The following RPSA2 variants were observed in gnomAD, a reference collection of about 807,000 sequenced individuals.
RPSA2 encodes ribosomal protein SA 2, also known as small ribosomal subunit protein uS2B.
the RPSA2 span, among the ~76,000 whole-genome samples, chr19:23,865,574 C>T: frequency 6.6e-6 from 1 of 152,112 alleles, no homozygotes; most frequent in African/African-American, 2.4e-5. Flanking sequence ...ATTTGTTCCT[C>T]CAACAGTGCA....
At chr19:23,837,176 G>C in the RPSA2 span, among the ~76,000 whole-genome samples, 1 of 152,018 alleles carries the variant, frequency 6.6e-6, no homozygotes, top group South Asian at 2.1e-4. Flanking sequence ...TGGGACATGA[G>C]GATCCAGTTT....
At chr19:23,830,332 A>T in the RPSA2 span, among the ~76,000 whole-genome samples, 1 of 152,100 alleles carries the variant, frequency 6.6e-6, no homozygotes, top group African/African-American at 2.4e-5. Context: ...TTTGGTAGAG[A>T]CAGGGTTTCA....
chr19:23,759,563 GC>G, the RPSA2 span, among the ~76,000 whole-genome samples: 3 of 116,088 alleles, frequency 2.6e-5, no homozygotes, highest in African/African-American at 3.3e-5. Context: ...TCGCTCTGTT[GC>G]CCAGGATGGA....
At chr19:23,838,584 T>A in the RPSA2 span, among the ~76,000 whole-genome samples, 4 of 152,178 alleles carry the variant, frequency 2.6e-5, no homozygotes, top group Non-Finnish European at 5.9e-5. Context: ...CATTTTAATC[T>A]CACTGCTTGT....
chr19:23,865,259 A>C, the RPSA2 span, among the ~76,000 whole-genome samples: 1 of 152,216 alleles, frequency 6.6e-6, no homozygotes, highest in African/African-American at 2.4e-5. Context: ...TTGAAGAAAA[A>C]CATTATGTGC....
At chr19:23,782,145 C>T in the RPSA2 span, 1 of 152,330 alleles carries the variant, frequency 6.6e-6, no homozygotes, top group Non-Finnish European at 1.5e-5. Context: ...GACCTGTCTA[C>T]AGAGGGGATT....
chr19:23,851,384 T>C, the RPSA2 span, among the ~76,000 whole-genome samples: 1 of 152,136 alleles, frequency 6.6e-6, no homozygotes, highest in Non-Finnish European at 1.5e-5. Context: ...CTTCTTGGGT[T>C]GCAAAAGAGA....
the RPSA2 span, among the ~76,000 whole-genome samples, chr19:23,765,900 G>A: frequency 6.6e-5 from 10 of 152,106 alleles, no homozygotes; most frequent in South Asian, 2.1e-4. Context: ...CATACCTGCC[G>A]TGTAGGAGTT....
At chr19:23,772,609 T>A in the RPSA2 span, among the ~76,000 whole-genome samples, 1 of 152,118 alleles carries the variant, frequency 6.6e-6, no homozygotes, top group Non-Finnish European at 1.5e-5. Flanking sequence ...TGCCCTTGAG[T>A]GTTACAAAGA....
the RPSA2 span, among the ~76,000 whole-genome samples, chr19:23,782,720 C>A: frequency 6.6e-6 from 1 of 152,072 alleles, no homozygotes; most frequent in South Asian, 2.1e-4. Context: ...TTGTGATATG[C>A]CACGTGACAT....
the RPSA2 span, among the ~76,000 whole-genome samples, chr19:23,789,027 T>TTTC: frequency 7.9e-6 from 1 of 127,344 alleles, no homozygotes; most frequent in Non-Finnish European, 1.7e-5. Context: ...TTCTTTCTTT[T>TTTC]TTTTTTTTTG....
chr19:23,825,926 T>C, the RPSA2 span, among the ~76,000 whole-genome samples: 5 of 151,946 alleles, frequency 3.3e-5, no homozygotes, highest in Non-Finnish European at 7.4e-5. Flanking sequence ...TATTTATTTG[T>C]AAATCTATAT....
At chr19:23,797,367 C>A in the RPSA2 span, among the ~76,000 whole-genome samples, 1 of 152,182 alleles carries the variant, frequency 6.6e-6, no homozygotes, top group South Asian at 2.1e-4. Context: ...CTCGGCCTCC[C>A]AAAGTGCTGG....
At chr19:23,761,937 A>ATTTTTTTT in the RPSA2 span, among the ~76,000 whole-genome samples, 1 of 4,030 alleles carries the variant, frequency 2.5e-4, no homozygotes, top group African/African-American at 5.8e-4. Context: ...TTTTTTTTTG[A>ATTTTTTTT]GATGGAGTCT....
the RPSA2 span, among the ~76,000 whole-genome samples, chr19:23,811,282 G>T: frequency 6.6e-6 from 1 of 152,114 alleles, no homozygotes; most frequent in Admixed American, 6.6e-5. Context: ...CTCCCAAATT[G>T]TTGGGATTAC....
the RPSA2 span, among the ~76,000 whole-genome samples, chr19:23,769,398 C>T: frequency 6.6e-6 from 1 of 152,138 alleles, no homozygotes; most frequent in African/African-American, 2.4e-5. Context: ...GGCTGGAGTG[C>T]AGTGGCAAAA....
chr19:23,773,082 TG>T, the RPSA2 span, among the ~76,000 whole-genome samples: 2 of 1,380 alleles, frequency 1.4e-3, no homozygotes, highest in Non-Finnish European at 4.0e-3. Flanking sequence ...CCTGTGTGTA[TG>T]TGTGTGTATA....
At chr19:23,826,194 T>C in the RPSA2 span, among the ~76,000 whole-genome samples, 2 of 150,296 alleles carry the variant, frequency 1.3e-5, no homozygotes, top group African/African-American at 5.0e-5. Context: ...TCTTTTTTTC[T>C]TTTTTCTTTT....
At chr19:23,858,533 T>G in the RPSA2 span, among the ~76,000 whole-genome samples, 1 of 152,216 alleles carries the variant, frequency 6.6e-6, no homozygotes, top group Admixed American at 6.5e-5. Flanking sequence ...AGATAGTGAG[T>G]GCAAGGAAGT....
Sources: allele counts gnomAD v4.1 joint callset (sites outside exome capture counted in the v4.1 genomes callset), GRCh38; gene constraint gnomAD v4.1.1; transcripts MANE v1.5; gene names NCBI Gene and HGNC (gene_info 2026-07-23, HGNC 2026-07-21).